The following CAMK1D variants were observed in gnomAD, a reference collection of about 807,000 sequenced individuals.
CAMK1D encodes calcium/calmodulin dependent protein kinase ID.
In CAMK1D, 9 loss-of-function variants were observed where a neutral mutation model predicts 47.7. The observed-to-expected ratio is 0.19, with a 90% CI of 0.11 to 0.33. CAMK1D has a LOEUF of 0.33. Ranked by LOEUF, CAMK1D falls within the 10% of genes least tolerant of loss-of-function variation. The pLI, the probability that CAMK1D is intolerant of heterozygous loss-of-function variation, is 1.00. For missense variants in CAMK1D, 291 were observed against 488.7 expected, an observed-to-expected ratio of 0.60 and a Z score of 3.81; for synonymous variants, 184 against 184.9, an observed-to-expected ratio of 0.99 and a Z score of 0.04.
At chr10:12,750,050 C>A (rs545031720) in intron 3 of CAMK1D, among the ~76,000 whole-genome samples, 1 of 152,312 alleles carries the variant, frequency 6.6e-6, no homozygotes, top group South Asian at 2.1e-4. Flanking sequence ...CATCTTAATT[C>A]TAAAAGAGCA....
chr10:12,409,617 A>G (rs563340250), intron 1 of CAMK1D, among the ~76,000 whole-genome samples: 1 of 152,384 alleles, frequency 6.6e-6, no homozygotes, highest in East Asian at 1.9e-4. Context: ...TTATTGATGT[A>G]TAAATTCAGA....
At chr10:12,740,899 A>G (rs1314145511) in intron 3 of CAMK1D, among the ~76,000 whole-genome samples, 1 of 152,168 alleles carries the variant, frequency 6.6e-6, no homozygotes, top group Non-Finnish European at 1.5e-5. Flanking sequence ...CTCATGTGCC[A>G]GTGGGAGTTA....
intron 6 of CAMK1D, among the ~76,000 whole-genome samples, chr10:12,812,483 G>A (rs541393634): frequency 1.6e-4 from 25 of 152,276 alleles, no homozygotes; most frequent in Admixed American, 5.9e-4. Flanking sequence ...CAGCATGCTG[G>A]CAGGCACCTG....
chr10:12,820,120 A>C (rs1486857460), intron 8 of CAMK1D, among the ~76,000 whole-genome samples: 2 of 152,098 alleles, frequency 1.3e-5, no homozygotes, highest in South Asian at 4.2e-4. Flanking sequence ...GCTCACTGCA[A>C]CCTCCGCTTC....
intron 2 of CAMK1D, among the ~76,000 whole-genome samples, chr10:12,606,387 T>A (rs941080331): frequency 7.9e-5 from 12 of 152,094 alleles, no homozygotes; most frequent in Non-Finnish European, 1.3e-4. Flanking sequence ...CCTAACCCAT[T>A]TGGCTGAGCT....
At position 12,437,174 on chromosome 10, in the gene CAMK1D, A is replaced by ATCTG. The variant is rs34589186; in HGVS notation, c.92+87288_92+87291dup. Among the ~76,000 whole-genome samples, 998 of 150,096 alleles carry ATCTG rather than the reference A, an allele frequency of 6.6e-3. 7 individuals are homozygous for ATCTG. The highest frequency in any genetic ancestry group is 0.061 in the East Asian group (314 of 5,132). On this transcript the variant is annotated intron_variant, in intron 1 of 10. Coordinates refer to ENST00000619168, the MANE Select transcript of CAMK1D (RefSeq NM_153498.4). ...CTGTCTATCTATCATCTATCTGTCC[A>ATCTG]TCTGTCTGTCTGTCTGTCTGTCTGT...
chr10:12,445,971 C>T (rs543945405), intron 1 of CAMK1D, among the ~76,000 whole-genome samples: 3 of 152,070 alleles, frequency 2.0e-5, no homozygotes, highest in Non-Finnish European at 2.9e-5. Context: ...AAGTTCCCAG[C>T]GAGGGAAATA....
At chr10:12,807,722 C>A (rs17583338) in intron 6 of CAMK1D, among the ~76,000 whole-genome samples, 11 of 152,058 alleles carry the variant, frequency 7.2e-5, no homozygotes, top group Non-Finnish European at 1.3e-4. Flanking sequence ...TTTGAGGCAT[C>A]CTGGCCTTCA....
intron 1 of CAMK1D, among the ~76,000 whole-genome samples, chr10:12,524,542 C>T (rs1034656340): frequency 1.3e-5 from 2 of 151,940 alleles, no homozygotes; most frequent in African/African-American, 4.8e-5. Context: ...CCCGTCTCTA[C>T]TAAAAATACA....
rs541749335 is a variant in CAMK1D at position 12,470,792 on chromosome 10, C to T, written c.93-82433C>T. On this transcript the variant is annotated intron_variant, in intron 1 of 10. Coordinates refer to ENST00000619168, the MANE Select transcript of CAMK1D (RefSeq NM_153498.4). Reference sequence around the variant, plus strand: ...TCCGGCTCCCAAAGTGCTGAGATTACAGGCGTGAGCCACCTTGCCCGGTCG... The same window carrying T: ...TCCGGCTCCCAAAGTGCTGAGATTATAGGCGTGAGCCACCTTGCCCGGTCG... Among the ~76,000 whole-genome samples, 10 of 152,358 alleles carry T rather than the reference C, an allele frequency of 6.6e-5. No individual in the cohort carries two copies. The South Asian group carries it at 2.1e-3, about 32-fold the overall frequency.
intron 1 of CAMK1D, among the ~76,000 whole-genome samples, chr10:12,424,219 G>T (rs752873925): frequency 6.6e-6 from 1 of 152,076 alleles, no homozygotes; most frequent in Admixed American, 6.6e-5. Flanking sequence ...AGCAAGCCCA[G>T]TGTGAGTCTA....
chr10:12,740,042 A>G (rs193290382), intron 3 of CAMK1D, among the ~76,000 whole-genome samples: 46 of 152,308 alleles, frequency 3.0e-4, no homozygotes, highest in African/African-American at 1.1e-3. Flanking sequence ...GTAGGAACCG[A>G]GTAGTTCCTG....
intron 1 of CAMK1D, among the ~76,000 whole-genome samples, chr10:12,433,619 C>A (rs1012248514): frequency 7.2e-5 from 11 of 152,162 alleles, no homozygotes; most frequent in African/African-American, 2.7e-4. Flanking sequence ...GGCATCTCCC[C>A]AGTCAATGCC....
chr10:12,566,733 C>T (rs974251634), intron 2 of CAMK1D, among the ~76,000 whole-genome samples: 1 of 152,146 alleles, frequency 6.6e-6, no homozygotes, highest in African/African-American at 2.4e-5. Flanking sequence ...CAGGAGAATG[C>T]GGGAAAGTAA....
At chr10:12,618,711 T>C (rs1838898880) in intron 2 of CAMK1D, among the ~76,000 whole-genome samples, 1 of 151,952 alleles carries the variant, frequency 6.6e-6, no homozygotes, top group African/African-American at 2.4e-5. Flanking sequence ...TTAGAGGGAT[T>C]CATGGGAAAA....
At chr10:12,653,167 C>A (rs1322644631) in intron 2 of CAMK1D, 1 of 154,284 alleles carries the variant, frequency 6.5e-6, no homozygotes, top group African/African-American at 2.4e-5. Context: ...CTTAGGTCTC[C>A]CTTCCTCTTA....
chr10:12,528,609 C>G (rs887165771), intron 1 of CAMK1D, among the ~76,000 whole-genome samples: 1 of 152,156 alleles, frequency 6.6e-6, no homozygotes, highest in Non-Finnish European at 1.5e-5. Context: ...CTAAGCCCAC[C>G]TCCTGATTTT....
At chr10:12,595,094 C>T (rs1838104183) in intron 2 of CAMK1D, among the ~76,000 whole-genome samples, 1 of 151,990 alleles carries the variant, frequency 6.6e-6, no homozygotes. Context: ...GTAATCCCAA[C>T]ACTATGGGAG....
intron 1 of CAMK1D, among the ~76,000 whole-genome samples, chr10:12,485,030 G>A (rs188709179): frequency 6.6e-6 from 1 of 152,316 alleles, no homozygotes; most frequent in Admixed American, 6.5e-5. Flanking sequence ...GGTGTGCTGA[G>A]CACAGCCGGA....
Sources: gnomAD v4.1 joint callset for allele counts (sites outside exome capture counted in the v4.1 genomes callset) on GRCh38, gnomAD v4.1.1 for gene constraint, MANE v1.5 for transcripts, NCBI Gene and HGNC (gene_info 2026-07-23, HGNC 2026-07-21) for gene names.